CDH23: variants seen among roughly 807,000 people sequenced by gnomAD.
The protein encoded by CDH23 is cadherin related 23.
In CDH23, 189 loss-of-function variants were observed where a neutral mutation model predicts 317.1. The observed-to-expected ratio is 0.60, with a 90% CI of 0.53 to 0.67. The LOEUF is 0.67. CDH23 is among the 30% of genes least tolerant of loss of function. The pLI is 0.00. For missense variants in CDH23, 4,401 were observed against 4,592.4 expected (o/e 0.96, Z 1.20); for synonymous variants, 1,839 against 1,876.8 (o/e 0.98, Z 0.52).
At chr10:71,792,955 A>G (rs934964735) in intron 47 of CDH23, among the ~76,000 whole-genome samples, 1 of 150,124 alleles carries the variant, frequency 6.7e-6, no homozygotes, top group African/African-American at 2.4e-5. Context: ...CATTTGCAGA[A>G]GATACAACTA....
chr10:71,799,632 G>A lies in CDH23; in HGVS notation c.7362+3G>A, dbSNP rs776651369. 1.9e-6 allele frequency: 3 copies of A among 1,614,016 alleles called. No homozygotes were observed. The highest frequency in any genetic ancestry group is 1.6e-4 in the Middle Eastern group (1 of 6,062). On this transcript the variant is annotated splice_donor_region_variant and intron_variant, in intron 52 of 69. Coordinates refer to ENST00000224721, the MANE Select transcript of CDH23 (RefSeq NM_022124.6). ...AGTTTGCCATCAACCCCACCACGGT[G>A]AGCAGTGATGGAGGGCCTGGAATTT...
chr10:71,790,237 A>G, intron 45 of CDH23, 51 bp from the exon 46 acceptor site: 2 of 1,601,596 alleles, frequency 1.2e-6, no homozygotes, highest in Non-Finnish European at 1.7e-6. Context: ...GGGAGGTGGG[A>G]GGGCAGGGGG....
At chr10:71,791,087 AC>A in intron 46 of CDH23, 44 bp from the exon 47 acceptor site, 1 of 1,503,794 alleles carries the variant, frequency 6.6e-7, no homozygotes, top group Non-Finnish European at 9.0e-7. Context: ...TTCCCACCGC[AC>A]CCCTTTTCTG....
intron 34 of CDH23, among the ~76,000 whole-genome samples, chr10:71,738,227 C>A (rs1839622449): frequency 6.6e-6 from 1 of 152,226 alleles, no homozygotes; most frequent in Non-Finnish European, 1.5e-5. Flanking sequence ...CCCACCACCT[C>A]TGACAGTCTC....
chr10:71,635,350 C>T (rs1862215624), intron 11 of CDH23: 1 of 152,772 alleles, frequency 6.5e-6, no homozygotes, highest in South Asian at 2.1e-4. Context: ...ATAATACACA[C>T]ATCCGCGGTG....
intron 11 of CDH23, among the ~76,000 whole-genome samples, chr10:71,640,135 G>A (rs1862468311): frequency 6.6e-6 from 1 of 152,144 alleles, no homozygotes; most frequent in Non-Finnish European, 1.5e-5. Context: ...TGTCCCTCTG[G>A]GTGCTCCTGC....
At chr10:71,768,257 G>C (rs1193842954) in intron 38 of CDH23, among the ~76,000 whole-genome samples, 1 of 152,086 alleles carries the variant, frequency 6.6e-6, no homozygotes, top group Admixed American at 6.6e-5. Flanking sequence ...TGCAACCTCC[G>C]CCTCCCAGGT....
intron 3 of CDH23, among the ~76,000 whole-genome samples, chr10:71,483,758 T>A (rs1007211063): frequency 6.6e-5 from 10 of 152,214 alleles, no homozygotes; most frequent in Admixed American, 2.0e-4. Context: ...GGTGGGGAAC[T>A]GAGGCATAGA....
chr10:71,728,829 T>A (rs764253789), intron 30 of CDH23, among the ~76,000 whole-genome samples: 25 of 152,100 alleles, frequency 1.6e-4, no homozygotes, highest in Non-Finnish European at 8.8e-5. Context: ...TCAGCCTCCC[T>A]AGTAGCTGGG....
chr10:71,433,394 A>G (rs534385565), intron 1 of CDH23, among the ~76,000 whole-genome samples: 14 of 152,220 alleles, frequency 9.2e-5, no homozygotes, highest in African/African-American at 2.9e-4. Flanking sequence ...GCCACAGGGT[A>G]TATGCATTTT....
chr10:71,674,753 C>A (rs1448488244), intron 14 of CDH23, among the ~76,000 whole-genome samples: 1 of 152,212 alleles, frequency 6.6e-6, no homozygotes, highest in Non-Finnish European at 1.5e-5. Flanking sequence ...ATTTAGCCTG[C>A]ACTGTGGATT....
intron 12 of CDH23, among the ~76,000 whole-genome samples, chr10:71,644,493 AGGCTTCACTGG>A (rs1343026371): frequency 1.3e-5 from 2 of 152,218 alleles, no homozygotes; most frequent in Non-Finnish European, 2.9e-5. Context: ...GTGAACTCTC[AGGCTTCACTGG>A]GGGTATCACT....
chr10:71,814,844 C>T (rs770799903), intron 69 of CDH23, 108 bp from the exon 70 acceptor site: 274 of 1,285,768 alleles, frequency 2.1e-4, no homozygotes, highest in Non-Finnish European at 2.6e-4. Context: ...AGGCCTGCTG[C>T]GGTAGGAGCC....
intron 3 of CDH23, 30 bp downstream of exon 3, chr10:71,446,425 C>T: frequency 1.2e-6 from 2 of 1,604,182 alleles, no homozygotes; most frequent in Non-Finnish European, 1.7e-6. Flanking sequence ...GGTGGGCGTG[C>T]AGATGGCCTG....
intron 3 of CDH23, among the ~76,000 whole-genome samples, chr10:71,449,375 G>A (rs1028032971): frequency 6.6e-6 from 1 of 152,134 alleles, no homozygotes; most frequent in Non-Finnish European, 1.5e-5. Context: ...TCAGCTCGTG[G>A]GCCTACAAGG....
intron 11 of CDH23, among the ~76,000 whole-genome samples, chr10:71,639,227 C>T (rs1002875257): frequency 1.3e-5 from 2 of 152,186 alleles, no homozygotes; most frequent in Non-Finnish European, 2.9e-5. Context: ...TCTCCACACA[C>T]ACTAGGGCTC....
At chr10:71,648,394 A>C (rs2076863273) in intron 14 of CDH23, among the ~76,000 whole-genome samples, 1 of 152,158 alleles carries the variant, frequency 6.6e-6, no homozygotes, top group Non-Finnish European at 1.5e-5. Context: ...CTCAGAGTGG[A>C]GGGGAGGCTC....
chr10:71,609,987 T>TGA (rs1240379280), intron 9 of CDH23, among the ~76,000 whole-genome samples: 6 of 130,100 alleles, frequency 4.6e-5, no homozygotes, highest in South Asian at 2.3e-4. Context: ...TGTGTGTGTG[T>TGA]GTGTGTGTGA....
At chr10:71,654,093 G>A (rs548141190) in intron 14 of CDH23, among the ~76,000 whole-genome samples, 3 of 152,322 alleles carry the variant, frequency 2.0e-5, no homozygotes, top group African/African-American at 7.2e-5. Context: ...CACAGAGAAA[G>A]GTTAAACAAG....
Sources: allele counts gnomAD v4.1 joint callset (sites outside exome capture counted in the v4.1 genomes callset), GRCh38; gene constraint gnomAD v4.1.1; transcripts MANE v1.5; gene names NCBI Gene and HGNC (gene_info 2026-07-23, HGNC 2026-07-21).